MYO5A: variants seen among roughly 807,000 people sequenced by gnomAD.
The protein encoded by MYO5A is myosin VA, also known as unconventional myosin-Va.
MYO5A carries 98 observed loss-of-function variants against 249.7 expected under a neutral mutation model. That is an observed-to-expected ratio of 0.39 (90% CI 0.33 to 0.46). The LOEUF is 0.46. Among genes scored for constraint, MYO5A ranks in the 20% least tolerant of loss-of-function variants. The probability of loss-of-function intolerance (pLI) is 0.98; values close to 1 mark genes in which losing one functional copy is unlikely to be tolerated. For missense variants in MYO5A, 1,696 were observed against 2,308.8 expected, an observed-to-expected ratio of 0.73 and a Z score of 5.44; for synonymous variants, 778 against 810.6, an observed-to-expected ratio of 0.96 and a Z score of 0.68.
intron 14 of MYO5A, among the ~76,000 whole-genome samples, chr15:52,384,924 A>C (rs2041913417): frequency 6.6e-6 from 1 of 152,236 alleles, no homozygotes; most frequent in African/African-American, 2.4e-5. Flanking sequence ...TTACAGAAAA[A>C]AAAGTTTAAA....
At chr15:52,437,256 C>T (rs781142982) in intron 1 of MYO5A, among the ~76,000 whole-genome samples, 3 of 152,154 alleles carry the variant, frequency 2.0e-5, no homozygotes, top group Non-Finnish European at 4.4e-5. Context: ...GTAGCTTTCT[C>T]TGGAAGGCAC....
chr15:52,338,097 A>G (rs1394006985), intron 32 of MYO5A, among the ~76,000 whole-genome samples: 1 of 152,198 alleles, frequency 6.6e-6, no homozygotes, highest in Non-Finnish European at 1.5e-5. Flanking sequence ...TGTGTGAACA[A>G]AGGAAAGAGG....
intron 40 of MYO5A, among the ~76,000 whole-genome samples, chr15:52,314,964 T>G (rs760567836): frequency 6.6e-6 from 1 of 152,134 alleles, no homozygotes; most frequent in African/African-American, 2.4e-5. Flanking sequence ...TGCAGGACAG[T>G]GCTGATCTAT....
In MYO5A at chr15:52,346,391, T is replaced by C; in HGVS notation, c.3929A>G (p.Gln1310Arg). The change falls in exon 30 of 42, where the codon CAA becomes CGA. Residue 1310 changes from glutamine (Q) to arginine (R), a missense_variant. By Grantham distance (43) the Gln-to-Arg change is conservative. Around this residue, in one of 5 missense-constraint regions of MYO5A, gnomAD observed 625 missense variants for 908.1 expected, o/e 0.69. Transcript: ENST00000399233. ...QKMKDKGEIA[Q>R]AYIGLKETNR... is the part of the protein sequence containing the mutation. ...TGTTTCTTTCAAACCAATGTATGCT[T>C]GTGCTATTTCACCTTTATCTTTCAT... 1 of 1,604,914 alleles carries C rather than the reference T, an allele frequency of 6.2e-7. No homozygotes were observed. The highest frequency in any genetic ancestry group is 8.5e-7 in the Non-Finnish European group (1 of 1,172,096).
intron 9 of MYO5A, among the ~76,000 whole-genome samples, chr15:52,404,591 A>C (rs1002469487): frequency 6.6e-6 from 1 of 152,176 alleles, no homozygotes; most frequent in Admixed American, 6.5e-5. Context: ...AGCAGGAGAG[A>C]CCTTTATAGA....
chr15:52,520,912 C>T (rs942658113), intron 1 of MYO5A, among the ~76,000 whole-genome samples: 1 of 152,178 alleles, frequency 6.6e-6, no homozygotes, highest in African/African-American at 2.4e-5. Context: ...ATGTTACAAA[C>T]TTCCACTATT....
At chr15:52,436,209 C>T (rs1197022123) in intron 1 of MYO5A, among the ~76,000 whole-genome samples, 2 of 152,154 alleles carry the variant, frequency 1.3e-5, no homozygotes, top group Non-Finnish European at 1.5e-5. Context: ...GGGATTACGG[C>T]GTGAGCCACC....
intron 9 of MYO5A, among the ~76,000 whole-genome samples, chr15:52,403,650 G>A (rs1244548263): frequency 2.0e-5 from 3 of 152,158 alleles, no homozygotes; most frequent in African/African-American, 4.8e-5. Flanking sequence ...ATCTGTGAAT[G>A]TACTAAAAGC....
intron 5 of MYO5A, among the ~76,000 whole-genome samples, chr15:52,412,222 G>T (rs1177373081): frequency 1.3e-5 from 2 of 152,012 alleles, no homozygotes; most frequent in Non-Finnish European, 2.9e-5. Context: ...AGGAAGGGTG[G>T]GCCACAGCTT....
At chr15:52,421,516 A>T (rs1048383839) in intron 4 of MYO5A, among the ~76,000 whole-genome samples, 1 of 150,268 alleles carries the variant, frequency 6.7e-6, no homozygotes, top group African/African-American at 2.4e-5. Flanking sequence ...ATTATATTCT[A>T]CTCTTTGGAG....
chr15:52,382,242 T>G (rs918895661), intron 16 of MYO5A, among the ~76,000 whole-genome samples: 4 of 152,218 alleles, frequency 2.6e-5, no homozygotes, highest in African/African-American at 9.6e-5. Flanking sequence ...ATTCTGTATT[T>G]CCTGAAAACT....
intron 12 of MYO5A, among the ~76,000 whole-genome samples, chr15:52,390,887 T>C (rs368746361): frequency 1.8e-4 from 27 of 152,228 alleles, no homozygotes; most frequent in Non-Finnish European, 3.5e-4. Context: ...AAGGCATGTA[T>C]GTGAATAGGA....
chr15:52,319,044 G>A lies in MYO5A; in HGVS notation c.5234+16C>T. 1 of 1,613,846 alleles carries A rather than the reference G, an allele frequency of 6.2e-7. No homozygotes were observed. The highest frequency in any genetic ancestry group is 8.5e-7 in the Non-Finnish European group (1 of 1,179,998). ...GCAGCAAAAAGACACTGTCGCAGGTGTTGGCATTTGCTCACCTGATCTGCA... is the reference window on the plus strand; with the variant it reads ...GCAGCAAAAAGACACTGTCGCAGGTATTGGCATTTGCTCACCTGATCTGCA... On this transcript the variant is annotated intron_variant, in intron 39 of 41. Transcript: ENST00000399233.
intron 35 of MYO5A, among the ~76,000 whole-genome samples, chr15:52,328,598 C>T (rs2038722808): frequency 6.6e-6 from 1 of 152,202 alleles, no homozygotes; most frequent in Non-Finnish European, 1.5e-5. Context: ...ACTGGCCTCC[C>T]TAATTCATCT....
chr15:52,386,313 A>AAACAACAACAAC (rs10657432), intron 14 of MYO5A, among the ~76,000 whole-genome samples: 7 of 150,046 alleles, frequency 4.7e-5, no homozygotes, highest in Non-Finnish European at 8.9e-5. Flanking sequence ...CACTGTCTCA[A>AAACAACAACAAC]AACAACAACA....
chr15:52,443,096 A>G (rs937621472), intron 1 of MYO5A, among the ~76,000 whole-genome samples: 1 of 152,098 alleles, frequency 6.6e-6, no homozygotes, highest in African/African-American at 2.4e-5. Flanking sequence ...CTCCACCCCC[A>G]AATTGTTCTT....
In MYO5A at chr15:52,310,051, T is replaced by C. The variant is rs575308549; in HGVS notation, c.*3645A>G. 7 of 152,310 alleles carry C rather than the reference T, an allele frequency of 4.6e-5. No individual in the cohort carries two copies. Among genetic ancestry groups the C allele is most frequent in the Non-Finnish European group, 7.4e-5 (5 of 68,026 alleles). 9.4% of individuals were successfully genotyped at this position (152,310 alleles called of 1,614,324 possible). On this transcript the variant is annotated 3_prime_UTR_variant, in exon 42 of 42. Transcript: ENST00000399233. ...ACCTTAGTAAAAGATTTGATCTATA[T>C]TACACATAATTACTCACCCAGAAAG...
intron 21 of MYO5A, among the ~76,000 whole-genome samples, chr15:52,371,066 T>C (rs999735578): frequency 9.9e-5 from 15 of 152,102 alleles, no homozygotes; most frequent in African/African-American, 2.6e-4. Context: ...TGAGCCGTGA[T>C]TGCACTGCTG....
rs771837984 is a variant in MYO5A, at chr15:52,410,487, AG to A, written c.613-12del. 5.6e-6 allele frequency: 9 copies of A among 1,609,214 alleles called. No individual in the cohort carries two copies. The highest frequency in any genetic ancestry group is 7.7e-6 in the Non-Finnish European group (9 of 1,175,886). ...AGCATTTCCAATGGACTAAAAAGCA[AG>A]GGAGAAAATAAGATTTTAGAAGTGT... On this transcript the variant is annotated splice_polypyrimidine_tract_variant and intron_variant, in intron 5 of 41. Coordinates refer to ENST00000399233, the MANE Select transcript of MYO5A (RefSeq NM_001382347.1).
Sources: allele counts gnomAD v4.1 joint callset (sites outside exome capture counted in the v4.1 genomes callset), GRCh38; gene constraint gnomAD v4.1.1; regional missense constraint gnomAD v4.1.1; transcripts MANE v1.5; gene names NCBI Gene and HGNC (gene_info 2026-07-23, HGNC 2026-07-21).